The following AFAP1 variants were observed in gnomAD, a reference collection of about 807,000 sequenced individuals.
AFAP1 encodes actin filament-associated protein 1.
AFAP1 carries 75 observed loss-of-function variants against 93.9 expected under a neutral mutation model. The observed-to-expected ratio is 0.80, with a 90% CI of 0.66 to 0.97. The LOEUF (loss-of-function observed/expected upper bound fraction) is 0.97, where lower values mean the gene tolerates loss of function less well. Among genes scored for constraint, AFAP1 ranks in the 50% least tolerant of loss-of-function variants. The pLI is 0.00. For synonymous variants in AFAP1, 517 were observed against 430.7 expected (o/e 1.20, Z -2.48); for missense variants, 1,201 against 1,050.8 (o/e 1.14, Z -1.98).
At chr4:7,922,466 T>C (rs191804083) in intron 1 of AFAP1, among the ~76,000 whole-genome samples, 1 of 152,282 alleles carries the variant, frequency 6.6e-6, no homozygotes, top group Admixed American at 6.5e-5. Flanking sequence ...GTGGAGATGA[T>C]GTCCCAGATG....
intron 1 of AFAP1, among the ~76,000 whole-genome samples, chr4:7,878,198 G>T (rs964666315): frequency 1.3e-5 from 2 of 152,120 alleles, no homozygotes; most frequent in East Asian, 3.9e-4. Context: ...ATAAATAAAG[G>T]TCTGGTGAAA....
chr4:7,887,473 G>A (rs977845826), intron 1 of AFAP1, among the ~76,000 whole-genome samples: 1 of 152,044 alleles, frequency 6.6e-6, no homozygotes, highest in Non-Finnish European at 1.5e-5. Flanking sequence ...TTTCTACTCT[G>A]ACAAATCAAT....
chr4:7,837,460 A>C (rs1390608565), intron 6 of AFAP1, among the ~76,000 whole-genome samples: 1 of 152,232 alleles, frequency 6.6e-6, no homozygotes, highest in East Asian at 1.9e-4. Context: ...ACCAGGAAGC[A>C]GGCCCTCACC....
At chr4:7,822,672 C>A (rs1185061710) in intron 6 of AFAP1, among the ~76,000 whole-genome samples, 1 of 151,262 alleles carries the variant, frequency 6.6e-6, no homozygotes, top group East Asian at 1.9e-4. Context: ...GCAAGCTCCG[C>A]CTCCTGGGTT....
intron 1 of AFAP1, among the ~76,000 whole-genome samples, chr4:7,887,765 T>C (rs7687431): frequency 0.44 from 67,417 of 151,960 alleles, 17,161 homozygotes; most frequent in Non-Finnish European, 0.6. Context: ...TCTTCTGGCT[T>C]AGTACGATTA....
intron 2 of AFAP1, among the ~76,000 whole-genome samples, chr4:7,869,854 AC>A (rs1716870494): frequency 6.6e-6 from 1 of 152,174 alleles, no homozygotes; most frequent in Admixed American, 6.5e-5. Context: ...AATGACACAC[AC>A]ACACACACAA....
chr4:7,916,063 C>T (rs988555190), intron 1 of AFAP1, among the ~76,000 whole-genome samples: 5 of 152,158 alleles, frequency 3.3e-5, no homozygotes, highest in Admixed American at 6.5e-5. Flanking sequence ...GGCACTTCCT[C>T]GGCTGGCTTC....
chr4:7,903,843 T>G (rs570544882), intron 1 of AFAP1, among the ~76,000 whole-genome samples: 64 of 152,062 alleles, frequency 4.2e-4, no homozygotes, highest in African/African-American at 1.4e-3. Context: ...AGCATCAAAA[T>G]GATGGTGATG....
chr4:7,759,805 G>C lies in AFAP1; in HGVS notation c.*3960C>G, dbSNP rs1168659004. On this transcript the variant is annotated 3_prime_UTR_variant, in exon 18 of 18. Transcript: ENST00000420658. ...AAGGATGGACATCCACCTGAATGCA[G>C]GGGCCACCTGTGAGCTCAGGGTGTC... 1 of 152,280 alleles carries C rather than the reference G, an allele frequency of 6.6e-6. No individual in the cohort carries two copies. Among genetic ancestry groups the C allele is most frequent in the African/African-American group, 2.4e-5 (1 of 41,468 alleles). The allele number at this position is 152,280 out of a possible 1,614,324, so 9.4% of individuals were successfully genotyped here.
rs771684251 is a variant in AFAP1, at chr4:7,772,888, T to C, written c.2185A>G (p.Lys729Glu). The change falls in exon 16 of 18, where the codon AAA (lysine) becomes GAA (glutamate). Residue 729 changes from lysine (K) to glutamate (E), a missense_variant. By Grantham distance (56) the Lys-to-Glu change is moderately conservative (BLOSUM62 1). Transcript: ENST00000420658. ...AGGGTGACTCCGCCCGCCAGCGCTT[T>C]CTTCAGGCTCTCCTTGACCTCCGTC... ...ELTEVKESLK[K>E]ALAGGVTLGL... 1 of 1,614,080 alleles carries C rather than the reference T, an allele frequency of 6.2e-7. No homozygotes were observed. The highest frequency in any genetic ancestry group is 2.2e-5 in the East Asian group (1 of 44,894).
At chr4:7,770,540 C>A (rs144384314) in intron 16 of AFAP1, among the ~76,000 whole-genome samples, 2,977 of 152,244 alleles carry the variant, frequency 0.02, 100 homozygotes, top group African/African-American at 0.068. Flanking sequence ...GAACGCAGGG[C>A]AAGGGGACAG....
intron 17 of AFAP1, 58 bp from the exon 18 acceptor site, chr4:7,763,849 C>A: frequency 3.9e-6 from 6 of 1,528,206 alleles, no homozygotes; most frequent in Non-Finnish European, 5.3e-6. Flanking sequence ...CTGGGACAAG[C>A]CACGCCACCA....
intron 11 of AFAP1, among the ~76,000 whole-genome samples, chr4:7,792,428 A>G (rs1717946565): frequency 6.6e-6 from 1 of 152,188 alleles, no homozygotes; most frequent in Admixed American, 6.5e-5. Flanking sequence ...ACCACGGCAG[A>G]TGCAAATTTT....
chr4:7,765,120 G>T (rs563668909), intron 17 of AFAP1, among the ~76,000 whole-genome samples: 1 of 145,284 alleles, frequency 6.9e-6, no homozygotes, highest in African/African-American at 2.5e-5. Context: ...TCAATCAATC[G>T]CTAAGGAGAC....
chr4:7,769,885 C>G (rs1265437792), intron 16 of AFAP1, among the ~76,000 whole-genome samples: 1 of 152,226 alleles, frequency 6.6e-6, no homozygotes, highest in East Asian at 1.9e-4. Flanking sequence ...AGTGGCAGCC[C>G]CTGGCTGCCG....
chr4:7,775,059 TGAGCTTGG>T, intron 14 of AFAP1, 156 bp from the exon 15 acceptor site: 1 of 878,902 alleles, frequency 1.1e-6, no homozygotes, highest in Non-Finnish European at 1.7e-6. Context: ...GAGAATCGCT[TGAGCTTGG>T]GAGCTTGAGG....
At chr4:7,811,309 C>T (rs1454786544) in intron 8 of AFAP1, among the ~76,000 whole-genome samples, 1 of 152,096 alleles carries the variant, frequency 6.6e-6, no homozygotes, top group African/African-American at 2.4e-5. Context: ...GGACTCCCTC[C>T]CACCCCCACC....
chr4:7,797,100 G>A (rs1179657956), intron 10 of AFAP1, among the ~76,000 whole-genome samples: 9 of 151,988 alleles, frequency 5.9e-5, no homozygotes, highest in South Asian at 2.1e-4. Flanking sequence ...AATTCCCACT[G>A]ATATACATAC....
Position 7,939,692 on chromosome 4 carries a change from C to T in AFAP1, c.-39G>A, listed in dbSNP as rs1314387046. 9.6e-6 allele frequency: 4 copies of T among 416,308 alleles called. No individual in the cohort carries two copies. The Admixed American group carries it at 1.0e-4, about 11-fold the overall frequency. The allele number at this position is 416,308 out of a possible 1,614,324, so 25.8% of individuals were successfully genotyped here. On this transcript the variant is annotated 5_prime_UTR_variant, in exon 1 of 18. Coordinates refer to ENST00000420658, the MANE Select transcript of AFAP1 (RefSeq NM_001134647.2). This position sits in a 1 kb window ranked among gnomAD's most constrained non-coding sequence, Gnocchi z 5.6. ...ACCTCGCAGCGCTCGCTCCTCGCCG[C>T]GGCGCCTGGGCCGACTGGAGCGCAG...
Sources: gnomAD v4.1 joint callset for allele counts (sites outside exome capture counted in the v4.1 genomes callset) on GRCh38, gnomAD v4.1.1 for gene constraint, Gnocchi (gnomAD v3.1) non-coding constraint, MANE v1.5 for transcripts, NCBI Gene and HGNC (gene_info 2026-07-23, HGNC 2026-07-21) for gene names.